NCALD: variants seen among roughly 807,000 people sequenced by gnomAD.
NCALD encodes the protein neurocalcin delta, also known as neurocalcin-delta.
A neutral mutation model predicts 18.6 loss-of-function variants in NCALD; 10 were observed. The observed-to-expected ratio is 0.54, with a 90% CI of 0.33 to 0.91. The LOEUF is 0.91. Among genes scored for constraint, NCALD ranks in the 40% least tolerant of loss-of-function variants. NCALD has a pLI of 0.03. For missense variants in NCALD, 184 were observed against 247.6 expected (o/e 0.74, Z 1.72); for synonymous variants, 88 against 87.4 (o/e 1.01, Z -0.04).
chr8:101,982,606 C>T (rs1308692486), intron 2 of NCALD, among the ~76,000 whole-genome samples: 2 of 151,950 alleles, frequency 1.3e-5, no homozygotes, highest in African/African-American at 2.4e-5. Context: ...TTTGAGAGGC[C>T]GAGGCTGGTG....
intron 4 of NCALD, among the ~76,000 whole-genome samples, chr8:101,804,355 ATTATATCAATTATATAT>A (rs1203053393): frequency 1.6e-5 from 2 of 128,362 alleles, no homozygotes; most frequent in East Asian, 9.3e-4. Flanking sequence ...ATTATATATA[ATTATATCAATTATATAT>A]TATATGTTAC....
intron 1 of NCALD, among the ~76,000 whole-genome samples, chr8:102,045,836 G>T (rs1448071760): frequency 1.3e-5 from 2 of 151,882 alleles, no homozygotes; most frequent in East Asian, 1.9e-4. Context: ...ATCACCAATT[G>T]GTTGCCACCC....
intron 1 of NCALD, among the ~76,000 whole-genome samples, chr8:102,087,258 T>A (rs1824767494): frequency 6.6e-6 from 1 of 152,114 alleles, no homozygotes; most frequent in African/African-American, 2.4e-5. Context: ...TGGAAGGGAC[T>A]GTAGTGAAGA....
In NCALD at chr8:101,928,279, C is replaced by A. The variant is rs148407373; in HGVS notation, c.-156-12421G>T. ...AACTAGGATTTATGGCCAGGCTTGT[C>A]CCACTCCATATTTAGTCTTAACTAT... On this transcript the variant is annotated intron_variant, in intron 2 of 6. Coordinates refer to the NCALD transcript ENST00000311028. Among the ~76,000 whole-genome samples the A allele has an allele frequency of 2.0e-3, 298 of 152,264 alleles. 2 individuals are homozygous for A. The highest frequency in any genetic ancestry group is 4.8e-3 in the African/African-American group (200 of 41,556).
intron 1 of NCALD, among the ~76,000 whole-genome samples, chr8:101,719,911 G>C (rs921293342): frequency 1.2e-4 from 18 of 152,192 alleles, no homozygotes; most frequent in Non-Finnish European, 2.5e-4. Context: ...GAAAGCAAAA[G>C]GTTCAGAGAG....
intron 4 of NCALD, among the ~76,000 whole-genome samples, chr8:101,862,583 G>A (rs572669379): frequency 2.0e-5 from 3 of 152,284 alleles, no homozygotes; most frequent in South Asian, 4.1e-4. Flanking sequence ...GCATAATAAA[G>A]GAGGCACTCA....
At chr8:101,692,702 A>G in intron 3 of NCALD, 89 bp downstream of exon 3, 3 of 1,442,154 alleles carry the variant, frequency 2.1e-6, no homozygotes, top group South Asian at 2.4e-5. Context: ...CTCACATTGA[A>G]GGGCCTCGAG....
intron 1 of NCALD, among the ~76,000 whole-genome samples, chr8:102,068,281 A>G (rs1824072786): frequency 6.6e-6 from 1 of 151,488 alleles, no homozygotes; most frequent in Non-Finnish European, 1.5e-5. Flanking sequence ...CCTGGAAAAA[A>G]TTCCCCCTCC....
chr8:101,887,369 G>A (rs552774359), intron 3 of NCALD: 5 of 152,124 alleles, frequency 3.3e-5, no homozygotes, highest in African/African-American at 9.7e-5. Flanking sequence ...GAACACTGAC[G>A]TGTATCAGCC....
chr8:101,738,626 A>C lies in NCALD; in HGVS notation c.-19-18978T>G, dbSNP rs60468832. ...CACCTAGAACACGGAACGCCAAAAA[A>C]CGCTATCTGCGGTTGGCTTGCTTAC... On this transcript the variant is annotated intron_variant, in intron 1 of 3. Coordinates refer to ENST00000220931, the MANE Select transcript of NCALD (RefSeq NM_032041.3). 4.6e-4 allele frequency among the ~76,000 whole-genome samples: 70 copies of C among 152,132 alleles called. 1 individual carries two copies. In the East Asian group the frequency reaches 0.013, roughly 29 times the overall value.
At chr8:102,002,047 G>T (rs371813529) in intron 2 of NCALD, among the ~76,000 whole-genome samples, 1 of 152,064 alleles carries the variant, frequency 6.6e-6, no homozygotes, top group African/African-American at 2.4e-5. Flanking sequence ...AAATGTAAAT[G>T]GGCTAAATGC....
chr8:101,764,617 C>T (rs1811268864), intron 1 of NCALD, among the ~76,000 whole-genome samples: 1 of 151,982 alleles, frequency 6.6e-6, no homozygotes, highest in Non-Finnish European at 1.5e-5. Flanking sequence ...TAGTTGTTGG[C>T]AGGGAAAAAG....
Position 102,037,920 on chromosome 8 carries a change from A to G in NCALD, c.-209-17631T>C, listed in dbSNP as rs1822926808. 2.0e-5 allele frequency among the ~76,000 whole-genome samples: 3 copies of G among 152,316 alleles called. No homozygotes were observed. The South Asian group carries it at 6.2e-4, about 32-fold the overall frequency. ...CACTTTATAAATAAAAGCATTTTAC[A>G]TCAATAAAAGATTTTTATTATTTCA... On this transcript the variant is annotated intron_variant, in intron 1 of 6. Transcript: ENST00000311028.
chr8:102,028,349 T>G (rs2132127810), intron 1 of NCALD, among the ~76,000 whole-genome samples: 1 of 152,340 alleles, frequency 6.6e-6, no homozygotes, highest in African/African-American at 2.4e-5. Flanking sequence ...AACTTTTCTG[T>G]AGGTTAATTT....
intron 2 of NCALD, among the ~76,000 whole-genome samples, chr8:101,996,461 A>G (rs371013554): frequency 6.6e-6 from 1 of 152,252 alleles, no homozygotes; most frequent in Non-Finnish European, 1.5e-5. Context: ...AGCACCGAGC[A>G]TTGGATCTTG....
At chr8:101,735,655 ATCCCGCATTTTTATTTGCTAACTC>A (rs768664643) in intron 1 of NCALD, among the ~76,000 whole-genome samples, 104 of 152,204 alleles carry the variant, frequency 6.8e-4, no homozygotes, top group Non-Finnish European at 1.3e-3. Flanking sequence ...TTAACTGAAC[ATCCCGCATTTTTATTTGCTAACTC>A]TAGTAATCCA....
chr8:102,015,840 G>A (rs1206133726), intron 2 of NCALD, among the ~76,000 whole-genome samples: 1 of 152,108 alleles, frequency 6.6e-6, no homozygotes, highest in African/African-American at 2.4e-5. Context: ...GGCAAGTGTG[G>A]GCTAGTATGA....
At chr8:101,907,063 T>G (rs1166940527) in intron 3 of NCALD, among the ~76,000 whole-genome samples, 1 of 152,224 alleles carries the variant, frequency 6.6e-6, no homozygotes, top group African/African-American at 2.4e-5. Flanking sequence ...TATTTTTATT[T>G]AAAATGTTGA....
chr8:102,061,013 A>G (rs908541238), intron 1 of NCALD, among the ~76,000 whole-genome samples: 1 of 152,170 alleles, frequency 6.6e-6, no homozygotes, highest in Non-Finnish European at 1.5e-5. Context: ...TCAGACTTAG[A>G]GATGTCCCAG....
Sources: allele counts gnomAD v4.1 joint callset (sites outside exome capture counted in the v4.1 genomes callset), GRCh38; gene constraint gnomAD v4.1.1; transcripts MANE v1.5; gene names NCBI Gene and HGNC (gene_info 2026-07-23, HGNC 2026-07-21).